The following USP36 variants were observed in gnomAD, a reference collection of about 807,000 sequenced individuals.
The protein encoded by USP36 is ubiquitin carboxyl-terminal hydrolase 36.
Under a neutral mutation model 111.5 loss-of-function variants are expected in USP36, and 59 were observed. The ratio of observed to expected loss-of-function variants is 0.53; its 90% CI spans 0.43 to 0.66. The LOEUF (loss-of-function observed/expected upper bound fraction) is 0.66, where lower values mean the gene tolerates loss of function less well. USP36 is among the 30% of genes least tolerant of loss of function. The pLI, the probability that USP36 is intolerant of heterozygous loss-of-function variation, is 0.00. For synonymous variants in USP36, 628 were observed against 581.0 expected, an observed-to-expected ratio of 1.08 and a Z score of -1.16; for missense variants, 1,488 against 1,468.0, an observed-to-expected ratio of 1.01 and a Z score of -0.22.
chr17:78,835,224 G>A, intron 4 of USP36, 56 bp downstream of exon 4: 1 of 1,558,428 alleles, frequency 6.4e-7, no homozygotes, highest in Non-Finnish European at 8.8e-7. Flanking sequence ...CAAGTGCATG[G>A]GCTTATCTAA....
Position 78,798,768 on chromosome 17 carries a change from G to A in USP36, c.3240+140C>T, listed in dbSNP as rs1020455629. ...ATGCATGCCCTGTCCATGGCCACAC[G>A]CCCGGACAGGCCTGGGCAGCCTGGC... On this transcript the variant is annotated intron_variant, in intron 19 of 20. Transcript: ENST00000449938. This position sits in a 1 kb window ranked among gnomAD's most constrained non-coding sequence, Gnocchi z 5.1. The A allele has an allele frequency of 2.5e-5, 31 of 1,220,122 alleles. No individual in the cohort carries two copies. The highest frequency in any genetic ancestry group is 2.2e-4 in the South Asian group (16 of 74,030). The allele number at this position is 1,220,122 out of a possible 1,614,324, so 75.6% of individuals were successfully genotyped here.
At chr17:78,812,672 G>A (rs2094091504) in intron 13 of USP36, among the ~76,000 whole-genome samples, 188 bp downstream of exon 13, 1 of 145,534 alleles carries the variant, frequency 6.9e-6, no homozygotes, top group Non-Finnish European at 1.5e-5. Flanking sequence ...ACCCCAGCCT[G>A]GATGACAGAG....
At chr17:78,835,698 A>G (rs1207133592) in intron 3 of USP36, among the ~76,000 whole-genome samples, 197 bp from the exon 4 acceptor site, 1 of 152,152 alleles carries the variant, frequency 6.6e-6, no homozygotes, top group Non-Finnish European at 1.5e-5. Flanking sequence ...CGGACCTCCT[A>G]GGCTGCTTGG....
chr17:78,791,455 T>A (rs1187853600), downstream of USP36, among the ~76,000 whole-genome samples: 1 of 152,168 alleles, frequency 6.6e-6, no homozygotes, highest in African/African-American at 2.4e-5. Flanking sequence ...GATTCAAACC[T>A]GACTCCAGCC....
In USP36 at chr17:78,803,696, G is replaced by A. The variant is rs201475167; in HGVS notation, c.2499C>T (p.Ile833=). The A allele has an allele frequency of 5.6e-6, 9 of 1,611,634 alleles. No homozygotes were observed. The African/African-American group carries it at 9.3e-5, about 17-fold the overall frequency. ...CGTGGGGAGCCGCAGTGGCCTCCCT[G>A]ATGTGCTGTGGGAGGCGCGTCTCTG... The part of the protein sequence containing the change: ...LGSETRLPQH[I]REATAAPHGK... The change falls in exon 16 of 21, where the codon ATC becomes ATT. Residue 833 remains isoleucine, a synonymous_variant. Transcript: ENST00000449938. The surrounding 1 kb of genome is among the most constrained non-coding windows in gnomAD (Gnocchi z 4.6).
At chr17:78,802,590 G>T (rs2093781619) in intron 16 of USP36, 55 bp from the exon 17 acceptor site, 1 of 1,516,682 alleles carries the variant, frequency 6.6e-7, no homozygotes, top group South Asian at 1.2e-5. Context: ...AGGGGAGCAG[G>T]AGCGCACAGA....
chr17:78,836,357 T>C lies in USP36; in HGVS notation c.7A>G (p.Ile3Val). 1.2e-6 allele frequency: 2 copies of C among 1,614,020 alleles called. No individual in the cohort carries two copies. The highest frequency in any genetic ancestry group is 1.7e-6 in the Non-Finnish European group (2 of 1,179,986). The change falls in exon 3 of 21, where the codon ATA becomes GTA. Residue 3 changes from isoleucine to valine, a missense_variant. By Grantham distance (29) the Ile-to-Val change is conservative (BLOSUM62 3). Coordinates refer to ENST00000449938, the MANE Select transcript of USP36 (RefSeq NM_001385174.1). ...AGGGCCTCCTTCAACTTATCCACTA[T>C]TGGCATGGTGCATCACTGTGGGGAC... is the stretch of plus-strand genomic sequence containing the variant. The part of the protein sequence containing the change: MP[I>V]VDKLKEALKP...
intron 3 of USP36, among the ~76,000 whole-genome samples, chr17:78,788,277 G>C (rs1250451254): frequency 6.6e-6 from 1 of 151,868 alleles, no homozygotes; most frequent in Admixed American, 6.6e-5. Flanking sequence ...CAATTCTCCT[G>C]CCTCAGCCTC....
intron 4 of USP36, among the ~76,000 whole-genome samples, chr17:78,830,195 A>G (rs1262531653): frequency 2.0e-5 from 3 of 152,224 alleles, no homozygotes; most frequent in African/African-American, 7.2e-5. Context: ...TCATTCATGT[A>G]TTATCACACA....
Position 78,798,057 on chromosome 17 carries a change from T to A in USP36, c.*21-178A>T. 1 of 253,168 alleles carries A rather than the reference T, an allele frequency of 3.9e-6. No individual in the cohort carries two copies. Among genetic ancestry groups the A allele is most frequent in the Non-Finnish European group, 7.8e-6 (1 of 128,520 alleles). The allele number at this position is 253,168 out of a possible 1,614,324, so 15.7% of individuals were successfully genotyped here. A position where few individuals can be genotyped will look rare whatever the true frequency, so the allele number is the denominator to read the frequency against. On this transcript the variant is annotated intron_variant, in intron 20 of 20. Coordinates refer to ENST00000449938, the MANE Select transcript of USP36 (RefSeq NM_001385174.1). This position sits in a 1 kb window ranked among gnomAD's most constrained non-coding sequence, Gnocchi z 5.1. ...ATGCCAGATATACACACAACCCACA[T>A]CCCACACACACCCCACACATGCCCT... is the stretch of plus-strand genomic sequence containing the variant.
At chr17:78,814,374 T>G (rs772201838) in intron 11 of USP36, 38 bp downstream of exon 11, 1 of 1,610,576 alleles carries the variant, frequency 6.2e-7, no homozygotes, top group Non-Finnish European at 8.5e-7. Flanking sequence ...TGCTGAAACC[T>G]GTCCCAGGAG....
rs2093661460 is a variant in USP36, at chr17:78,798,248, G to A, written c.*20+152C>T. On this transcript the variant is annotated intron_variant, in intron 20 of 20. Transcript: ENST00000449938. This position sits in a 1 kb window ranked among gnomAD's most constrained non-coding sequence, Gnocchi z 5.1. ...AGTGACTAGGACACACACCACAGAC[G>A]CGCCCACACCACACACACCACCCAA... is the stretch of plus-strand genomic sequence containing the variant. The A allele has an allele frequency of 4.1e-6, 4 of 980,108 alleles. No homozygotes were observed. Among genetic ancestry groups the A allele is most frequent in the East Asian group, 2.6e-5 (1 of 37,800 alleles). The allele number at this position is 980,108 out of a possible 1,614,324, so 60.7% of individuals were successfully genotyped here.
At chr17:78,808,878 T>C (rs1024850155) in intron 13 of USP36, among the ~76,000 whole-genome samples, 2 of 152,204 alleles carry the variant, frequency 1.3e-5, no homozygotes, top group East Asian at 3.9e-4. Flanking sequence ...TTGTTGAGCT[T>C]TTCCTGTACT....
downstream of USP36, chr17:78,792,020 A>G (rs1395039220): frequency 6.6e-6 from 1 of 152,242 alleles, no homozygotes; most frequent in Non-Finnish European, 1.5e-5. Flanking sequence ...TATGCAGCAA[A>G]TGCAACAGGC....
chr17:78,819,347 A>C (rs1201155034), intron 9 of USP36, among the ~76,000 whole-genome samples: 1 of 152,232 alleles, frequency 6.6e-6, no homozygotes, highest in African/African-American at 2.4e-5. Context: ...CAAGGCAGGA[A>C]GATCACCTGA....
At chr17:78,817,295 T>A (rs937992082) in intron 10 of USP36, among the ~76,000 whole-genome samples, 1 of 152,152 alleles carries the variant, frequency 6.6e-6, no homozygotes, top group African/African-American at 2.4e-5. Flanking sequence ...GCCCTTGTGG[T>A]TACACGACAC....
At chr17:78,813,661 C>T (rs2094119049) in intron 12 of USP36, 112 bp downstream of exon 12, 5 of 899,324 alleles carry the variant, frequency 5.6e-6, no homozygotes, top group East Asian at 2.5e-5. Flanking sequence ...ATGACAAATC[C>T]CTCCAGTGGA....
Position 78,815,652 on chromosome 17 carries a change from T to C in USP36, c.1024-1100A>G, listed in dbSNP as rs180854132. Among the ~76,000 whole-genome samples, 25 of 152,340 alleles carry C rather than the reference T, an allele frequency of 1.6e-4. No individual in the cohort carries two copies. In the East Asian group the frequency reaches 4.4e-3, roughly 27 times the overall value. On this transcript the variant is annotated intron_variant, in intron 10 of 20. Transcript: ENST00000449938. ...ACCGCAAGTAAGACTTTTAATCAAC[T>C]GGATCAGAAGAAAGGTCATGCTAAA... is the stretch of plus-strand genomic sequence containing the variant.
chr17:78,799,574 C>A (rs1293488689), intron 18 of USP36, 93 bp downstream of exon 18: 8 of 1,158,408 alleles, frequency 6.9e-6, no homozygotes, highest in Non-Finnish European at 1.0e-5. Context: ...CCGCCCGCCA[C>A]ACTCACAGTG....
Sources: gnomAD v4.1 joint callset for allele counts (sites outside exome capture counted in the v4.1 genomes callset) on GRCh38, gnomAD v4.1.1 for gene constraint, Gnocchi (gnomAD v3.1) non-coding constraint, MANE v1.5 for transcripts, NCBI Gene and HGNC (gene_info 2026-07-23, HGNC 2026-07-21) for gene names.